GDA: variants seen among roughly 807,000 people sequenced by gnomAD.
GDA encodes cytoplasmic PSD-95 interactor.
GDA carries 18 observed loss-of-function variants against 59.6 expected under a neutral mutation model. The ratio of observed to expected loss-of-function variants is 0.30; its 90% CI spans 0.21 to 0.45. The LOEUF (loss-of-function observed/expected upper bound fraction) is 0.45. Ranked by LOEUF, GDA falls within the 20% of genes least tolerant of loss-of-function variation. GDA has a pLI of 1.00. For synonymous variants in GDA, 201 were observed against 201.1 expected (o/e 1.00, Z 0.00); for missense variants, 427 against 552.3 (o/e 0.77, Z 2.27).
At chr9:72,174,037 A>G (rs1318204209) in intron 1 of GDA, among the ~76,000 whole-genome samples, 2 of 152,204 alleles carry the variant, frequency 1.3e-5, no homozygotes, top group Non-Finnish European at 1.5e-5. Context: ...CCTTACAACC[A>G]TTGTTCCATT....
intron 1 of GDA, among the ~76,000 whole-genome samples, chr9:72,115,600 T>A (rs1825409815): frequency 6.6e-6 from 1 of 152,202 alleles, no homozygotes. Context: ...GAAACATAAT[T>A]CATTTGGTCT....
chr9:72,189,167 T>A (rs1012450288), intron 1 of GDA, among the ~76,000 whole-genome samples: 1 of 69,172 alleles, frequency 1.4e-5, no homozygotes, highest in Non-Finnish European at 2.9e-5. Context: ...GACTCTAGAC[T>A]TTTTTTTTTT....
intron 2 of GDA, among the ~76,000 whole-genome samples, chr9:72,196,554 T>C (rs1833208077): frequency 6.6e-6 from 1 of 152,126 alleles, no homozygotes; most frequent in African/African-American, 2.4e-5. Flanking sequence ...GGGAAAACTT[T>C]TTTTGATTAT....
In GDA at chr9:72,172,491, G is replaced by A. The variant is rs62561978; in HGVS notation, c.123+22809G>A. Reference sequence around the variant, plus strand: ...AGCTAGGATTCAAACCTAGGTCTTCGTGGTTCTTGGGCCTGCACACTTTGG... The same window carrying A: ...AGCTAGGATTCAAACCTAGGTCTTCATGGTTCTTGGGCCTGCACACTTTGG... On this transcript the variant is annotated intron_variant, in intron 1 of 13. Transcript: ENST00000358399. Among the ~76,000 whole-genome samples, 167 of 152,110 alleles carry A rather than the reference G, an allele frequency of 1.1e-3. 1 individual carries two copies. The highest frequency in any genetic ancestry group is 2.7e-3 in the East Asian group (14 of 5,166).
At chr9:72,219,378 G>T in intron 5 of GDA, 101 bp from the exon 6 acceptor site, 1 of 814,950 alleles carries the variant, frequency 1.2e-6, no homozygotes, top group Non-Finnish European at 2.0e-6. Context: ...ACTCCAGCCT[G>T]GGCGACAGAG....
intron 3 of GDA, among the ~76,000 whole-genome samples, chr9:72,209,779 C>A (rs144439943): frequency 6.6e-6 from 1 of 152,124 alleles, no homozygotes; most frequent in South Asian, 2.1e-4. Flanking sequence ...GGGTCCCAAA[C>A]GTCACTGTGA....
At chr9:72,117,514 G>C (rs1825496430) in intron 1 of GDA, among the ~76,000 whole-genome samples, 1 of 152,200 alleles carries the variant, frequency 6.6e-6, no homozygotes, top group Non-Finnish European at 1.5e-5. Flanking sequence ...TCAGCCATAT[G>C]CAATAGGGTG....
rs150730275 is a variant in GDA, at chr9:72,213,974, G to A, written c.561G>A (p.Ser187=). The part of the protein sequence containing the change: ...FPEYKETTEE[S]IKETERFVSE... ...AATACAAGGAGACCACTGAGGAATCGATCAAGGAAACTGAGAGGTAAAAGG... is the reference window on the plus strand; with the variant it reads ...AATACAAGGAGACCACTGAGGAATCAATCAAGGAAACTGAGAGGTAAAAGG... Residue 187 remains serine (S), a synonymous_variant, in exon 5 of 14, where the codon TCG becomes TCA. Transcript: ENST00000358399. 254 of 1,593,266 alleles carry A rather than the reference G, an allele frequency of 1.6e-4. No individual in the cohort carries two copies. The highest frequency in any genetic ancestry group is 2.0e-4 in the Non-Finnish European group (230 of 1,161,178).
At position 72,249,752 on chromosome 9, in the gene GDA, C is replaced by A; in HGVS notation, c.*1410C>A. The A allele has an allele frequency of 1.2e-6, 1 of 838,386 alleles. No individual in the cohort carries two copies. The highest frequency in any genetic ancestry group is 1.4e-6 in the Non-Finnish European group (1 of 696,066). 51.9% of individuals were successfully genotyped at this position (838,386 alleles called of 1,614,324 possible). On this transcript the variant is annotated 3_prime_UTR_variant, in exon 14 of 14. Transcript: ENST00000358399. ...GACTTTCTTAATATATTATAACACT[C>A]ATTCCTAGAGCTTAGGGGTGACTCT... is the stretch of plus-strand genomic sequence containing the variant.
chr9:72,135,870 C>G (rs1167968798), intron 1 of GDA, among the ~76,000 whole-genome samples: 1 of 151,956 alleles, frequency 6.6e-6, no homozygotes, highest in Non-Finnish European at 1.5e-5. Context: ...CTTGGCCTCC[C>G]AAAGTGCTGG....
downstream of GDA, among the ~76,000 whole-genome samples, chr9:72,252,781 C>G (rs1471690415): frequency 2.0e-5 from 3 of 152,244 alleles, no homozygotes; most frequent in Admixed American, 1.3e-4. Flanking sequence ...TGGCCATTGC[C>G]TTGCTGGGTG....
chr9:72,116,062 G>A (rs145303509), intron 1 of GDA, among the ~76,000 whole-genome samples: 1,815 of 152,022 alleles, frequency 0.012, 30 homozygotes, highest in African/African-American at 0.041. Context: ...GGAGAAACCC[G>A]TCTCTACTAA....
At chr9:72,160,153 A>G (rs1828432353) in intron 1 of GDA, among the ~76,000 whole-genome samples, 1 of 151,820 alleles carries the variant, frequency 6.6e-6, no homozygotes, top group Non-Finnish European at 1.5e-5. Context: ...AGAAAATATG[A>G]AAAAAAATTA....
At chr9:72,123,529 C>T (rs1825743691) in intron 1 of GDA, among the ~76,000 whole-genome samples, 3 of 144,916 alleles carry the variant, frequency 2.1e-5, no homozygotes, top group Non-Finnish European at 4.5e-5. Flanking sequence ...CTCTTGTTGC[C>T]CAGGCTGGAG....
chr9:72,220,923 C>T (rs1029125829), intron 6 of GDA, among the ~76,000 whole-genome samples: 1 of 152,126 alleles, frequency 6.6e-6, no homozygotes, highest in Non-Finnish European at 1.5e-5. Context: ...CTGCCTCCAC[C>T]CCTAACAGGC....
At chr9:72,137,203 A>C (rs1326992196) in intron 1 of GDA, among the ~76,000 whole-genome samples, 2 of 52,730 alleles carry the variant, frequency 3.8e-5, no homozygotes, top group African/African-American at 1.2e-4. Flanking sequence ...TAAATAAATA[A>C]ATTAAAAAAA....
intron 9 of GDA, among the ~76,000 whole-genome samples, chr9:72,230,060 C>T (rs1449493661): frequency 6.6e-6 from 1 of 152,216 alleles, no homozygotes; most frequent in Admixed American, 6.5e-5. Flanking sequence ...GCTGTTCTTT[C>T]TCCAGCAACT....
intron 1 of GDA, among the ~76,000 whole-genome samples, chr9:72,131,096 AAGAGCTG>A (rs1826009915): frequency 6.6e-6 from 1 of 152,214 alleles, no homozygotes; most frequent in South Asian, 2.1e-4. Flanking sequence ...AAAGGTAGCA[AAGAGCTG>A]AGATTGATTA....
intron 1 of GDA, among the ~76,000 whole-genome samples, chr9:72,120,404 GGCTGT>G (rs1825620969): frequency 6.6e-6 from 1 of 152,082 alleles, no homozygotes. Flanking sequence ...ATGTTGGCCA[GGCTGT>G]TCTCAAACTC....
Sources: gnomAD v4.1 joint callset for allele counts (sites outside exome capture counted in the v4.1 genomes callset) on GRCh38, gnomAD v4.1.1 for gene constraint, MANE v1.5 for transcripts, NCBI Gene and HGNC (gene_info 2026-07-23, HGNC 2026-07-21) for gene names.